The following NUDT3 variants were observed in gnomAD, a reference collection of about 807,000 sequenced individuals.
NUDT3 encodes nudix hydrolase 3.
A neutral mutation model predicts 23.6 loss-of-function variants in NUDT3; 9 were observed. The ratio of observed to expected loss-of-function variants is 0.38; its 90% confidence interval spans 0.23 to 0.66. The LOEUF (loss-of-function observed/expected upper bound fraction) is 0.66. Among genes scored for constraint, NUDT3 ranks in the 30% least tolerant of loss-of-function variants. The pLI is 0.52. For synonymous variants in NUDT3, 86 were observed against 82.6 expected, an observed-to-expected ratio of 1.04 and a Z score of -0.22; for missense variants, 172 against 218.5, an observed-to-expected ratio of 0.79 and a Z score of 1.34.
intron 2 of NUDT3, among the ~76,000 whole-genome samples, chr6:34,337,186 T>C (rs1009503543): frequency 6.6e-6 from 1 of 152,208 alleles, no homozygotes; most frequent in African/African-American, 2.4e-5. Context: ...CATTTCTTTA[T>C]CCTCTCAATA....
chr6:34,341,790 T>C (rs1764291653), intron 2 of NUDT3, 72 bp downstream of exon 2: 1 of 1,376,368 alleles, frequency 7.3e-7, no homozygotes, highest in Non-Finnish European at 1.0e-6. Context: ...TGCTGACATA[T>C]TAAAGAACTA....
intron 1 of NUDT3, among the ~76,000 whole-genome samples, chr6:34,365,677 C>G (rs548539639): frequency 8.5e-5 from 13 of 152,276 alleles, no homozygotes; most frequent in Admixed American, 7.9e-4. Flanking sequence ...ATACAAGAGG[C>G]TGAGGCAAGA....
At chr6:34,315,102 T>C in intron 2 of NUDT3, among the ~76,000 whole-genome samples, 1 of 152,164 alleles carries the variant, frequency 6.6e-6, no homozygotes, top group East Asian at 1.9e-4. Context: ...ACTACAGGGG[T>C]ATTACATAAA....
rs206939 is a variant in NUDT3 at position 34,309,975 on chromosome 6, G to A, written c.211-14290C>T. ...TGGCTGGGTGCGGTGGTGCATGCCT[G>A]TAATCCTAGCACTTTGGGACGCTGA... On this transcript the variant is annotated intron_variant, in intron 2 of 4. Coordinates refer to ENST00000607016, the MANE Select transcript of NUDT3 (RefSeq NM_006703.4). Among the ~76,000 whole-genome samples, 346 of 152,222 alleles carry A rather than the reference G, an allele frequency of 2.3e-3. 2 individuals are homozygous for A. Among genetic ancestry groups the A allele is most frequent in the African/African-American group, 7.9e-3 (329 of 41,536 alleles).
rs151282605 is a variant in NUDT3, at chr6:34,318,959, TAGA to T, written c.210+22900_210+22902del. Among the ~76,000 whole-genome samples, 1,258 of 151,806 alleles carry T rather than the reference TAGA, an allele frequency of 8.3e-3. 16 individuals are homozygous for T. The highest frequency in any genetic ancestry group is 0.029 in the African/African-American group (1,187 of 41,340). On this transcript the variant is annotated intron_variant, in intron 2 of 4. Coordinates refer to ENST00000607016, the MANE Select transcript of NUDT3 (RefSeq NM_006703.4). The stretch of plus-strand genomic sequence containing the variant: ...GATATAACCAAAAGACACAGAAAGT[TAGA>T]AGATTTAGTCAATGTGTCCAAGCCT...
Position 34,368,172 on chromosome 6 carries a change from G to T in NUDT3, c.99+24092C>A, listed in dbSNP as rs111779116. Among the ~76,000 whole-genome samples the T allele has an allele frequency of 8.5e-3, 1,298 of 152,360 alleles. 18 individuals carry two copies. Among genetic ancestry groups the T allele is most frequent in the African/African-American group, 0.027 (1,116 of 41,586 alleles). On this transcript the variant is annotated intron_variant, in intron 1 of 4. Coordinates refer to ENST00000607016, the MANE Select transcript of NUDT3 (RefSeq NM_006703.4). ...GCTGAGATCGTGCCACTGCACTCCA[G>T]CCTGGGCGACAGAGCGAGACTACAT...
chr6:34,289,893 A>G (rs1190366850), intron 4 of NUDT3, among the ~76,000 whole-genome samples: 1 of 152,156 alleles, frequency 6.6e-6, no homozygotes, highest in Non-Finnish European at 1.5e-5. Flanking sequence ...AAAAAGAAAC[A>G]ATCTTGAGAC....
Position 34,293,054 on chromosome 6 carries a change from T to C in NUDT3, c.340+397A>G, listed in dbSNP as rs1233246207. On this transcript the variant is annotated intron_variant, in intron 4 of 4. Coordinates refer to ENST00000607016, the MANE Select transcript of NUDT3 (RefSeq NM_006703.4). ...TTATTTCTATTCTTTATCCAGCTCT[T>C]GTTGTTCTGTTTTTTTGTTTGTTTT... Among the ~76,000 whole-genome samples the C allele has an allele frequency of 2.0e-5, 3 of 152,066 alleles. No individual in the cohort carries two copies. In the East Asian group the frequency reaches 5.8e-4, roughly 29 times the overall value.
intron 1 of NUDT3, among the ~76,000 whole-genome samples, chr6:34,363,781 C>CT (rs1021271409): frequency 2.1e-3 from 305 of 145,502 alleles, no homozygotes; most frequent in East Asian, 5.7e-3. Context: ...TCTTTTTCTT[C>CT]TTTTTTTTTT....
chr6:34,341,841 C>T (rs1764292734), intron 2 of NUDT3, 21 bp downstream of exon 2: 1 of 1,605,184 alleles, frequency 6.2e-7, no homozygotes, highest in Non-Finnish European at 8.5e-7. Context: ...CACAGCTGTG[C>T]CCTCTCTTCT....
chr6:34,356,079 G>A (rs1426152016), intron 1 of NUDT3, among the ~76,000 whole-genome samples: 1 of 152,144 alleles, frequency 6.6e-6, no homozygotes, highest in Non-Finnish European at 1.5e-5. Flanking sequence ...AGGACACACA[G>A]TTCCTGGCTG....
At chr6:34,376,469 G>T (rs918484625) in intron 1 of NUDT3, among the ~76,000 whole-genome samples, 1 of 152,056 alleles carries the variant, frequency 6.6e-6, no homozygotes, top group Non-Finnish European at 1.5e-5. Flanking sequence ...TAGAGATGGG[G>T]TCTCCCTATG....
At chr6:34,360,599 A>G (rs1215982927) in intron 1 of NUDT3, among the ~76,000 whole-genome samples, 1 of 152,206 alleles carries the variant, frequency 6.6e-6, no homozygotes, top group Non-Finnish European at 1.5e-5. Flanking sequence ...AAGATTGTCT[A>G]TAATAACTAC....
intron 1 of NUDT3, among the ~76,000 whole-genome samples, chr6:34,358,646 C>A (rs1403450001): frequency 6.6e-6 from 1 of 151,980 alleles, no homozygotes; most frequent in Non-Finnish European, 1.5e-5. Context: ...AGATTGTAAA[C>A]CATGATGGCC....
intron 1 of NUDT3, among the ~76,000 whole-genome samples, chr6:34,366,322 G>A (rs142408068): frequency 6.6e-6 from 1 of 151,404 alleles, no homozygotes; most frequent in South Asian, 2.1e-4. Context: ...ACTGCAGTGA[G>A]TCATGATTTT....
chr6:34,334,531 T>C (rs925791008), intron 2 of NUDT3, among the ~76,000 whole-genome samples: 15 of 151,854 alleles, frequency 9.9e-5, no homozygotes, highest in Non-Finnish European at 2.2e-4. Flanking sequence ...CCCAGCTATC[T>C]GGGAGGCTGA....
chr6:34,339,857 A>T (rs1444825883), intron 2 of NUDT3, among the ~76,000 whole-genome samples: 1 of 152,238 alleles, frequency 6.6e-6, no homozygotes, highest in Non-Finnish European at 1.5e-5. Flanking sequence ...TAACAAAATA[A>T]ACATTTTATC....
chr6:34,340,617 C>A (rs1309033313), intron 2 of NUDT3, among the ~76,000 whole-genome samples: 1 of 152,170 alleles, frequency 6.6e-6, no homozygotes, highest in Non-Finnish European at 1.5e-5. Flanking sequence ...TGTAAGAATG[C>A]CTTCTCACAT....
At chr6:34,351,843 G>A (rs1163695553) in intron 1 of NUDT3, among the ~76,000 whole-genome samples, 1 of 151,522 alleles carries the variant, frequency 6.6e-6, no homozygotes, top group East Asian at 1.9e-4. Context: ...CCTCTGTACA[G>A]TGCAATTGGC....
Sources: gnomAD v4.1 joint callset for allele counts (sites outside exome capture counted in the v4.1 genomes callset) on GRCh38, gnomAD v4.1.1 for gene constraint, MANE v1.5 for transcripts, NCBI Gene and HGNC (gene_info 2026-07-23, HGNC 2026-07-21) for gene names.